Variants in SLC16A4 observed in about 807,000 individuals in gnomAD.
SLC16A4 encodes solute carrier family 16 member 4, also known as probable monocarboxylate transporter 5.
SLC16A4 carries 39 observed loss-of-function variants against 47.9 expected under a neutral mutation model. The observed-to-expected ratio is 0.81, with a 90% CI of 0.63 to 1.06. The LOEUF (loss-of-function observed/expected upper bound fraction) is 1.06. Among genes scored for constraint, SLC16A4 ranks in the 50% least tolerant of loss-of-function variants. The pLI, the probability that SLC16A4 is intolerant of heterozygous loss-of-function variation, is 0.00. For missense variants in SLC16A4, 524 were observed against 573.8 expected (o/e 0.91, Z 0.89); for synonymous variants, 189 against 199.9 (o/e 0.95, Z 0.46).
intron 8 of SLC16A4, chr1:110,371,110 T>C (rs972954453): frequency 3.3e-5 from 5 of 152,230 alleles, no homozygotes; most frequent in African/African-American, 4.8e-5. Context: ...TGCTAGTGAT[T>C]TGCTTGACAG....
At chr1:110,369,144 G>A (rs12120793) in intron 8 of SLC16A4, among the ~76,000 whole-genome samples, 62,115 of 151,466 alleles carry the variant, frequency 0.41, 13,109 homozygotes, top group Non-Finnish European at 0.47. Flanking sequence ...TAGTAGAGAC[G>A]GGGTTTCACT....
At position 110,376,939 on chromosome 1, in the gene SLC16A4, T is replaced by C; in HGVS notation, c.1242+11A>G. 1 of 1,607,344 alleles carries C rather than the reference T, an allele frequency of 6.2e-7. No individual in the cohort carries two copies. Among genetic ancestry groups the C allele is most frequent in the Admixed American group, 1.7e-5 (1 of 59,840 alleles). On this transcript the variant is annotated intron_variant, in intron 7 of 8. Coordinates refer to ENST00000369779, the MANE Select transcript of SLC16A4 (RefSeq NM_004696.3). The stretch of plus-strand genomic sequence containing the variant: ...AATGGTTTAACAATGTTAATGAGTG[T>C]GTCTACTCACCAGTACAGGCAGTAT...
At chr1:110,381,619 C>T in intron 4 of SLC16A4, 33 bp downstream of exon 4, 1 of 1,593,374 alleles carries the variant, frequency 6.3e-7, no homozygotes, top group Non-Finnish European at 8.5e-7. Flanking sequence ...CCACTCCTGG[C>T]CTTCTATGGT....
chr1:110,387,578 A>G (rs1161339923), intron 2 of SLC16A4, among the ~76,000 whole-genome samples: 1 of 152,242 alleles, frequency 6.6e-6, no homozygotes, highest in Non-Finnish European at 1.5e-5. Context: ...AAAGTGGGAC[A>G]GTGTTTATTA....
Position 110,376,977 on chromosome 1 carries a change from A to G in SLC16A4, c.1215T>C (p.Gly405=). 6.2e-7 allele frequency: 1 copy of G among 1,614,102 alleles called. No homozygotes were observed. The highest frequency in any genetic ancestry group is 8.5e-7 in the Non-Finnish European group (1 of 1,179,954). ...YTICFAIFAG[G]YLALILPVLV... is the part of the protein sequence containing the mutation. Reference sequence around the variant, plus strand: ...GTACAGGCAGTATCAATGCCAGGTAACCACCAGCAAAGATGGCAAAGCAGA... The same window carrying G: ...GTACAGGCAGTATCAATGCCAGGTAGCCACCAGCAAAGATGGCAAAGCAGA... The change falls in exon 7 of 9, where the codon GGT becomes GGC. Residue 405 remains glycine, a synonymous_variant. Transcript: ENST00000369779.
rs1176098391 is a variant in SLC16A4 at position 110,389,227 on chromosome 1, G to C, written c.87+10C>G. 1 of 1,609,024 alleles carries C rather than the reference G, an allele frequency of 6.2e-7. No homozygotes were observed. Among genetic ancestry groups the C allele is most frequent in the African/African-American group, 1.3e-5 (1 of 74,810 alleles). On this transcript the variant is annotated intron_variant, in intron 2 of 8. Coordinates refer to ENST00000369779, the MANE Select transcript of SLC16A4 (RefSeq NM_004696.3). ...GGCAATAGGAAAGGGGGAAAAAAGTGAATTCTTACCAGGAAAAAATGAATC... is the reference window on the plus strand; with the variant it reads ...GGCAATAGGAAAGGGGGAAAAAAGTCAATTCTTACCAGGAAAAAATGAATC...
At chr1:110,368,900 C>T (rs1395724288) in intron 8 of SLC16A4, among the ~76,000 whole-genome samples, 2 of 151,838 alleles carry the variant, frequency 1.3e-5, no homozygotes, top group Non-Finnish European at 2.9e-5. Context: ...AAAAAGTATT[C>T]ATACCTTCAG....
At chr1:110,363,984 T>G in intron 8 of SLC16A4, 91 bp from the exon 9 acceptor site, 2 of 1,376,190 alleles carry the variant, frequency 1.5e-6, no homozygotes, top group East Asian at 4.8e-5. Flanking sequence ...AGGAGCCTCC[T>G]GTATTGTGAC....
At chr1:110,387,357 T>G (rs1408844040) in intron 2 of SLC16A4, among the ~76,000 whole-genome samples, 1 of 152,178 alleles carries the variant, frequency 6.6e-6, no homozygotes, top group East Asian at 1.9e-4. Context: ...CTCTCTTTTT[T>G]TAAGTAGGAA....
At position 110,368,515 on chromosome 1, in the gene SLC16A4, A is replaced by C. The variant is rs1448316170; in HGVS notation, c.1337-4622T>G. Among the ~76,000 whole-genome samples the C allele has an allele frequency of 2.0e-5, 3 of 152,202 alleles. No homozygotes were observed. In the South Asian group the frequency reaches 6.2e-4, roughly 31 times the overall value. On this transcript the variant is annotated intron_variant, in intron 8 of 8. Transcript: ENST00000369779. ...ACTGGATTCTGTCAAGCATAACTCC[A>C]TCCTGGGTGGCACTCAGTTGATTCT...
chr1:110,383,805 G>GGTTTTTTTTTTTT (rs1557913543), intron 2 of SLC16A4, among the ~76,000 whole-genome samples: 2 of 65,760 alleles, frequency 3.0e-5, no homozygotes, highest in East Asian at 5.3e-4. Flanking sequence ...TTAAAAGGAG[G>GGTTTTTTTTTTTT]TTTTTTTTTT....
intron 1 of SLC16A4, among the ~76,000 whole-genome samples, chr1:110,390,335 T>G (rs963847017): frequency 2.6e-5 from 4 of 152,218 alleles, no homozygotes; most frequent in Admixed American, 1.3e-4. Context: ...GCCTTGAGTT[T>G]AGGAATTCTC....
intron 8 of SLC16A4, among the ~76,000 whole-genome samples, chr1:110,365,565 A>C (rs2100974757): frequency 6.6e-6 from 1 of 152,302 alleles, no homozygotes; most frequent in Non-Finnish European, 1.5e-5. Flanking sequence ...GAGTGAAAAC[A>C]ACTGGACAAG....
chr1:110,386,765 C>G (rs908980713), intron 2 of SLC16A4, among the ~76,000 whole-genome samples: 1 of 152,168 alleles, frequency 6.6e-6, no homozygotes, highest in African/African-American at 2.4e-5. Flanking sequence ...TCCTCCTGAC[C>G]TTCACAGGCA....
intron 2 of SLC16A4, among the ~76,000 whole-genome samples, chr1:110,388,894 G>A (rs1662874543): frequency 6.6e-6 from 1 of 152,150 alleles, no homozygotes; most frequent in African/African-American, 2.4e-5. Flanking sequence ...TATTTTTGTA[G>A]TGATCGGGTT....
chr1:110,363,517 TTGG>T lies in SLC16A4; in HGVS notation c.*246_*248del. 1 of 231,200 alleles carries T rather than the reference TTGG, an allele frequency of 4.3e-6. No individual in the cohort carries two copies. 14.3% of individuals were successfully genotyped at this position (231,200 alleles called of 1,614,324 possible). The stretch of plus-strand genomic sequence containing the variant: ...GGCGTGTGCCTGTAGTCCCAGCTAC[TTGG>T]GAGGCTGAGGCAGGAGAATCCCTTG... On this transcript the variant is annotated 3_prime_UTR_variant, in exon 9 of 9. Transcript: ENST00000369779.
intron 8 of SLC16A4, among the ~76,000 whole-genome samples, chr1:110,365,115 T>C (rs1429342836): frequency 6.6e-6 from 1 of 152,108 alleles, no homozygotes; most frequent in Non-Finnish European, 1.5e-5. Flanking sequence ...ATGTATATTA[T>C]ATCTGATCAC....
rs1024910724 is a variant in SLC16A4 at position 110,363,356 on chromosome 1, A to G, written c.*410T>C. Reference sequence around the variant, plus strand: ...CTTAAAAACTTATCTGGCCGCGCCCAGTGGCTCATGCCTGTAATCCCAGCA... The same window carrying G: ...CTTAAAAACTTATCTGGCCGCGCCCGGTGGCTCATGCCTGTAATCCCAGCA... On this transcript the variant is annotated 3_prime_UTR_variant, in exon 9 of 9. Coordinates refer to ENST00000369779, the MANE Select transcript of SLC16A4 (RefSeq NM_004696.3). The G allele has an allele frequency of 9.8e-5, 15 of 152,708 alleles. No individual in the cohort carries two copies. Among genetic ancestry groups the G allele is most frequent in the Non-Finnish European group, 2.2e-4 (15 of 68,396 alleles). 9.5% of individuals were successfully genotyped at this position (152,708 alleles called of 1,614,324 possible). A position where few individuals can be genotyped will look rare whatever the true frequency, so the allele number is the denominator to read the frequency against.
At chr1:110,379,975 T>G (rs1662270077) in intron 5 of SLC16A4, 1 of 150,240 alleles carries the variant, frequency 6.7e-6, no homozygotes, top group Non-Finnish European at 1.5e-5. Flanking sequence ...GGAGGATCGC[T>G]TAGCCTGGGA....
Sources: allele counts gnomAD v4.1 joint callset (sites outside exome capture counted in the v4.1 genomes callset), GRCh38; gene constraint gnomAD v4.1.1; transcripts MANE v1.5; gene names NCBI Gene and HGNC (gene_info 2026-07-23, HGNC 2026-07-21).